The following DLGAP2 variants were observed in gnomAD, a reference collection of about 807,000 sequenced individuals.
The protein encoded by DLGAP2 is disks large-associated protein 2.
DLGAP2 carries 26 observed loss-of-function variants against 100.3 expected under a neutral mutation model. The ratio of observed to expected loss-of-function variants is 0.26; its 90% CI spans 0.19 to 0.36. The LOEUF (loss-of-function observed/expected upper bound fraction) is 0.36, where lower values mean the gene tolerates loss of function less well. Ranked by LOEUF, DLGAP2 falls within the 10% of genes least tolerant of loss-of-function variation. The pLI is 1.00. For missense variants in DLGAP2, 1,858 were observed against 1,453.2 expected, an observed-to-expected ratio of 1.28 and a Z score of -4.53; for synonymous variants, 886 against 630.1, an observed-to-expected ratio of 1.41 and a Z score of -6.08.
At chr8:981,967 A>T (rs1800343809) in intron 2 of DLGAP2, among the ~76,000 whole-genome samples, 1 of 152,214 alleles carries the variant, frequency 6.6e-6, no homozygotes, top group Non-Finnish European at 1.5e-5. Flanking sequence ...GGTAAACTGG[A>T]TACCACATCC....
At chr8:890,026 G>T (rs937035450) in intron 1 of DLGAP2, among the ~76,000 whole-genome samples, 3 of 151,972 alleles carry the variant, frequency 2.0e-5, no homozygotes, top group African/African-American at 2.4e-5. Context: ...TGTGTTTCTC[G>T]GGTGGCCCCC....
In DLGAP2 at chr8:1,064,993, T is replaced by C. The variant is rs575276742; in HGVS notation, c.73+157027T>C. 4.6e-5 allele frequency among the ~76,000 whole-genome samples: 7 copies of C among 152,342 alleles called. No homozygotes were observed. The South Asian group carries it at 1.5e-3, about 32-fold the overall frequency. ...AAAGGCATGCTGTGCATTCACAGTT[T>C]GTTGCTGTGTGAGTCTGGAGATACA... On this transcript the variant is annotated intron_variant, in intron 2 of 14. Transcript: ENST00000637795.
At chr8:878,441 C>T (rs548908496) in intron 1 of DLGAP2, among the ~76,000 whole-genome samples, 26 of 152,052 alleles carry the variant, frequency 1.7e-4, no homozygotes, top group Admixed American at 1.4e-3. Context: ...GGTCAGAGGA[C>T]GATAAGTAGA....
intron 1 of DLGAP2, among the ~76,000 whole-genome samples, chr8:868,513 C>G (rs971617900): frequency 6.6e-6 from 1 of 152,270 alleles, no homozygotes; most frequent in Non-Finnish European, 1.5e-5. Context: ...CACAGCCACA[C>G]TGCTCAGAGT....
At chr8:1,650,092 T>G (rs1452889811) in intron 8 of DLGAP2, among the ~76,000 whole-genome samples, 1 of 152,232 alleles carries the variant, frequency 6.6e-6, no homozygotes, top group Non-Finnish European at 1.5e-5. Context: ...GCTCCTACTC[T>G]CTTTCTGTAA....
intron 3 of DLGAP2, among the ~76,000 whole-genome samples, chr8:1,483,464 A>G (rs1799154960): frequency 6.8e-6 from 1 of 147,712 alleles, no homozygotes; most frequent in Non-Finnish European, 1.5e-5. Context: ...GCAGGACCTG[A>G]GGGCGTCTCC....
chr8:932,981 T>C (rs1044164558), intron 2 of DLGAP2, among the ~76,000 whole-genome samples: 4 of 152,164 alleles, frequency 2.6e-5, no homozygotes, highest in Admixed American at 2.6e-4. Flanking sequence ...ATATTGGAAA[T>C]ATATGGTTAG....
At position 1,494,797 on chromosome 8, in the gene DLGAP2, C is replaced by G. The variant is rs191568461; in HGVS notation, c.107-6569C>G. Among the ~76,000 whole-genome samples the G allele has an allele frequency of 6.4e-3, 980 of 152,226 alleles. 6 individuals carry two copies. Among genetic ancestry groups the G allele is most frequent in the Non-Finnish European group, 0.01 (707 of 68,008 alleles). On this transcript the variant is annotated intron_variant, in intron 3 of 14. Transcript: ENST00000637795. ...GCAGCCTCCCCCAAACAGACACCACCACACCACAGAGCACACAGAGCTCCA... is the reference window on the plus strand; with the variant it reads ...GCAGCCTCCCCCAAACAGACACCACGACACCACAGAGCACACAGAGCTCCA...
intron 2 of DLGAP2, among the ~76,000 whole-genome samples, chr8:1,228,360 C>G (rs1215081641): frequency 2.0e-5 from 3 of 152,216 alleles, no homozygotes; most frequent in African/African-American, 7.2e-5. Flanking sequence ...GATGGTCTCA[C>G]TGGTGAATTC....
At chr8:809,628 T>G (rs898547375) in intron 1 of DLGAP2, among the ~76,000 whole-genome samples, 6 of 152,206 alleles carry the variant, frequency 3.9e-5, no homozygotes, top group Non-Finnish European at 8.8e-5. Context: ...AATTAGAATC[T>G]GTCTACCAAT....
chr8:1,410,581 C>T (rs772060540), intron 3 of DLGAP2, among the ~76,000 whole-genome samples: 2 of 152,212 alleles, frequency 1.3e-5, no homozygotes, highest in African/African-American at 4.8e-5. Context: ...AAGTCAGCTC[C>T]CTTCTCAGAA....
intron 3 of DLGAP2, among the ~76,000 whole-genome samples, chr8:1,343,603 T>G (rs1207457081): frequency 6.6e-6 from 1 of 152,218 alleles, no homozygotes; most frequent in Non-Finnish European, 1.5e-5. Context: ...TTGGAAATAT[T>G]AACCCTTTAC....
chr8:1,080,183 T>C (rs906466415), intron 2 of DLGAP2, among the ~76,000 whole-genome samples: 1 of 152,206 alleles, frequency 6.6e-6, no homozygotes, highest in Non-Finnish European at 1.5e-5. Context: ...TTAGAACTAC[T>C]TGCATTTTTA....
At chr8:865,116 G>A (rs1012187913) in intron 1 of DLGAP2, among the ~76,000 whole-genome samples, 3 of 152,068 alleles carry the variant, frequency 2.0e-5, no homozygotes, top group Non-Finnish European at 4.4e-5. Flanking sequence ...GACCCCCAGG[G>A]AACAAGGGGG....
chr8:1,204,738 T>C (rs1188383108), intron 2 of DLGAP2, among the ~76,000 whole-genome samples: 1 of 151,962 alleles, frequency 6.6e-6, no homozygotes, highest in Non-Finnish European at 1.5e-5. Flanking sequence ...GATGAGGCAG[T>C]AGGAGAGGAG....
At chr8:1,212,548 A>C (rs992579900) in intron 2 of DLGAP2, among the ~76,000 whole-genome samples, 1 of 152,132 alleles carries the variant, frequency 6.6e-6, no homozygotes, top group Non-Finnish European at 1.5e-5. Context: ...CACACTTGGC[A>C]GTGTAGTGGA....
chr8:770,254 G>A (rs1335165822), intron 1 of DLGAP2, among the ~76,000 whole-genome samples: 1 of 152,154 alleles, frequency 6.6e-6, no homozygotes, highest in African/African-American at 2.4e-5. Context: ...GTGAGGGAGA[G>A]TGCGTGCGTG....
chr8:1,513,241 GC>G (rs1424102701), intron 4 of DLGAP2, among the ~76,000 whole-genome samples: 19 of 145,046 alleles, frequency 1.3e-4, no homozygotes, highest in African/African-American at 4.6e-4. Flanking sequence ...CCAGTGCAGG[GC>G]AAGACGAGAG....
chr8:1,656,015 G>A (rs999554253), intron 8 of DLGAP2, among the ~76,000 whole-genome samples: 1 of 152,188 alleles, frequency 6.6e-6, no homozygotes, highest in Non-Finnish European at 1.5e-5. Context: ...TGGTATTTTA[G>A]GTGTTCAGAT....
Sources: allele counts gnomAD v4.1 joint callset (sites outside exome capture counted in the v4.1 genomes callset), GRCh38; gene constraint gnomAD v4.1.1; transcripts MANE v1.5; gene names NCBI Gene and HGNC (gene_info 2026-07-23, HGNC 2026-07-21).